The following TP53BP1 variants were observed in gnomAD, a reference collection of about 807,000 sequenced individuals.
The protein encoded by TP53BP1 is TP53-binding protein 1.
In TP53BP1, 61 loss-of-function variants were observed where a neutral mutation model predicts 200.8. The observed-to-expected ratio is 0.30, with a 90% confidence interval of 0.25 to 0.38. The LOEUF (loss-of-function observed/expected upper bound fraction) is 0.38. Ranked by LOEUF, TP53BP1 falls within the 10% of genes least tolerant of loss-of-function variation. The pLI, the probability that TP53BP1 is intolerant of heterozygous loss-of-function variation, is 1.00. For missense variants in TP53BP1, 2,144 were observed against 2,371.9 expected (o/e 0.90, Z 2.00); for synonymous variants, 822 against 844.3 (o/e 0.97, Z 0.46).
chr15:43,473,523 G>A (rs1043073416), intron 10 of TP53BP1, among the ~76,000 whole-genome samples: 3 of 152,168 alleles, frequency 2.0e-5, no homozygotes, highest in Non-Finnish European at 2.9e-5. Flanking sequence ...GCTAGACACA[G>A]GGTGCTGATT....
chr15:43,404,850 T>C lies in TP53BP1; in HGVS notation c.*2533A>G. The C allele has an allele frequency of 4.1e-6, 2 of 487,192 alleles. No homozygotes were observed. Among genetic ancestry groups the C allele is most frequent in the Non-Finnish European group, 7.3e-6 (2 of 275,578 alleles). The allele number at this position is 487,192 out of a possible 1,614,324, so 30.2% of individuals were successfully genotyped here. A position where few individuals can be genotyped will look rare whatever the true frequency, so the allele number is the denominator to read the frequency against. ...TTCCACTCCCAATTCTGATATGAAC[T>C]AGCTGTGCAGCCGTGGGCACCCCGC... On this transcript the variant is annotated 3_prime_UTR_variant, in exon 28 of 28. Transcript: ENST00000382044.
intron 1 of TP53BP1, among the ~76,000 whole-genome samples, chr15:43,500,449 C>T (rs1420161123): frequency 1.3e-5 from 2 of 152,024 alleles, no homozygotes; most frequent in Non-Finnish European, 2.9e-5. Context: ...TATCCACCCA[C>T]TTCCCCCAAA....
In TP53BP1 at chr15:43,403,596, G is replaced by C; in HGVS notation, c.*3787C>G. The C allele has an allele frequency of 5.1e-6, 5 of 973,728 alleles. No individual in the cohort carries two copies. The highest frequency in any genetic ancestry group is 8.0e-6 in the Non-Finnish European group (5 of 624,578). 60.3% of individuals were successfully genotyped at this position (973,728 alleles called of 1,614,324 possible). On this transcript the variant is annotated 3_prime_UTR_variant, in exon 28 of 28. Transcript: ENST00000382044. ...GGGAGGTCAGCTATTAATTAGATCA[G>C]CTATTAATCAGACTGTTCTCCTAAC...
chr15:43,438,253 T>C (rs905294461), intron 16 of TP53BP1, 71 bp downstream of exon 16: 112 of 1,331,538 alleles, frequency 8.4e-5, no homozygotes, highest in Non-Finnish European at 1.1e-4. Context: ...GCACAGTACA[T>C]ATTAGGATTT....
chr15:43,420,546 A>T lies in TP53BP1; in HGVS notation c.4440T>A (p.Asp1480Glu), dbSNP rs2045370423. ...TTCCTGGAGAGGAGGCATCTAAGCC[A>T]TCAGAAGGGCCAGCAGCAGCCTGGA... Reference protein sequence around the residue: ...IPFQAAAGPSDGLDASSPGNS... With the variant: ...IPFQAAAGPSEGLDASSPGNS... Residue 1480 changes from aspartate (D) to glutamate (E), a missense_variant, in exon 21 of 28, where the codon GAT becomes GAA. Asp to Glu is a conservative substitution (Grantham distance 45, BLOSUM62 2). Around this residue, in one of 4 missense-constraint regions of TP53BP1, gnomAD observed 49 missense variants for 60.7 expected, o/e 0.81. Transcript: ENST00000382044. 2 of 1,614,100 alleles carry T rather than the reference A, an allele frequency of 1.2e-6. No homozygotes were observed. Among genetic ancestry groups the T allele is most frequent in the Admixed American group, 1.7e-5 (1 of 60,006 alleles).
At chr15:43,478,505 A>G (rs1371171925) in intron 7 of TP53BP1, among the ~76,000 whole-genome samples, 1 of 152,150 alleles carries the variant, frequency 6.6e-6, no homozygotes, top group Non-Finnish European at 1.5e-5. Flanking sequence ...AATACTGTTT[A>G]TTTATCCCCT....
chr15:43,478,751 A>C (rs1380308213), intron 7 of TP53BP1, among the ~76,000 whole-genome samples: 1 of 152,248 alleles, frequency 6.6e-6, no homozygotes, highest in Non-Finnish European at 1.5e-5. Flanking sequence ...CTCCTCAAGT[A>C]TAGAAACAGT....
At chr15:43,428,232 T>C in intron 17 of TP53BP1, 64 bp from the exon 18 acceptor site, 1 of 1,425,716 alleles carries the variant, frequency 7.0e-7, no homozygotes, top group Admixed American at 1.8e-5. Flanking sequence ...TCACAAATCT[T>C]ATGCTTCATG....
At chr15:43,490,404 T>C (rs1290504769) in intron 4 of TP53BP1, among the ~76,000 whole-genome samples, 3 of 151,970 alleles carry the variant, frequency 2.0e-5, no homozygotes, top group Non-Finnish European at 2.9e-5. Context: ...TTTTTTCTTT[T>C]GTAGAGACAG....
chr15:43,470,571 A>G (rs1184665265), intron 10 of TP53BP1, among the ~76,000 whole-genome samples: 1 of 152,224 alleles, frequency 6.6e-6, no homozygotes, highest in East Asian at 1.9e-4. Context: ...GTACAAATAC[A>G]GATGAAGAAA....
chr15:43,418,553 G>A, intron 21 of TP53BP1, among the ~76,000 whole-genome samples: 1 of 150,924 alleles, frequency 6.6e-6, no homozygotes, highest in East Asian at 1.9e-4. Flanking sequence ...CCCATTATAT[G>A]CCAATCCATG....
chr15:43,505,972 G>A lies in TP53BP1; in HGVS notation c.-9+4398C>T, dbSNP rs547051801. 2.6e-5 allele frequency among the ~76,000 whole-genome samples: 4 copies of A among 152,348 alleles called. No individual in the cohort carries two copies. The South Asian group carries it at 8.3e-4, about 32-fold the overall frequency. ...TGCAGGGAAGGAATCTGAGCTGTAT[G>A]CAGCTCCCTTGGATATTTTGGTGGA... On this transcript the variant is annotated intron_variant, in intron 1 of 27. Transcript: ENST00000263801.
At position 43,447,350 on chromosome 15, in the gene TP53BP1, C is replaced by T; in HGVS notation, c.2836+16G>A. On this transcript the variant is annotated intron_variant, in intron 13 of 27. Transcript: ENST00000382044. ...AGAAATTCTGCCTTAAATATCATTA[C>T]TTTTTATTCACTCACCAATAGGAGT... 1 of 1,591,312 alleles carries T rather than the reference C, an allele frequency of 6.3e-7. No homozygotes were observed. The highest frequency in any genetic ancestry group is 8.5e-7 in the Non-Finnish European group (1 of 1,174,366).
At chr15:43,427,764 T>C (rs2142995812) in intron 18 of TP53BP1, among the ~76,000 whole-genome samples, 1 of 152,220 alleles carries the variant, frequency 6.6e-6, no homozygotes, top group Non-Finnish European at 1.5e-5. Context: ...AAGATCAGCC[T>C]GGGCAACACA....
At chr15:43,461,675 T>A (rs995332701) in intron 11 of TP53BP1, among the ~76,000 whole-genome samples, 129 of 100,940 alleles carry the variant, frequency 1.3e-3, no homozygotes, top group Middle Eastern at 6.7e-3. Flanking sequence ...TACATTATAT[T>A]TTTTTTTTTT....
chr15:43,438,988 A>G (rs2045866149), intron 15 of TP53BP1, among the ~76,000 whole-genome samples: 1 of 152,180 alleles, frequency 6.6e-6, no homozygotes, highest in South Asian at 2.1e-4. Flanking sequence ...TGGAGACAGC[A>G]CTGAAGTATT....
At chr15:43,498,261 C>T (rs1309255086) in intron 1 of TP53BP1, among the ~76,000 whole-genome samples, 1 of 152,050 alleles carries the variant, frequency 6.6e-6, no homozygotes. Flanking sequence ...AAAGTATCTC[C>T]CTAAAATGTA....
intron 4 of TP53BP1, among the ~76,000 whole-genome samples, chr15:43,482,728 A>G (rs933047939): frequency 6.6e-6 from 1 of 152,120 alleles, no homozygotes; most frequent in Non-Finnish European, 1.5e-5. Context: ...AGATCACGCT[A>G]CTGCACTCCA....
At position 43,403,468 on chromosome 15, in the gene TP53BP1, G is replaced by A; in HGVS notation, c.*3915C>T. 1 of 502,792 alleles carries A rather than the reference G, an allele frequency of 2.0e-6. No homozygotes were observed. Among genetic ancestry groups the A allele is most frequent in the Non-Finnish European group, 3.6e-6 (1 of 278,318 alleles). 31.1% of individuals were successfully genotyped at this position (502,792 alleles called of 1,614,324 possible). A position where few individuals can be genotyped will look rare whatever the true frequency, so the allele number is the denominator to read the frequency against. On this transcript the variant is annotated 3_prime_UTR_variant, in exon 28 of 28. Transcript: ENST00000382044. ...GGAGGTTTGGTGCAGGGCTAAGAGA[G>A]TAATACTCGCTTAGCCAGGAAAGGA...
Sources: gnomAD v4.1 joint callset for allele counts (sites outside exome capture counted in the v4.1 genomes callset) on GRCh38, gnomAD v4.1.1 for gene constraint, gnomAD v4.1.1 regional missense constraint, MANE v1.5 for transcripts, NCBI Gene and HGNC (gene_info 2026-07-23, HGNC 2026-07-21) for gene names.